TMEM129: variants seen among roughly 807,000 people sequenced by gnomAD.
The protein encoded by TMEM129 is E3 ubiquitin-protein ligase TM129.
Under a neutral mutation model 34.1 loss-of-function variants are expected in TMEM129, and 35 were observed. That is an observed-to-expected ratio of 1.03 (90% CI 0.78 to 1.36). TMEM129 has a LOEUF of 1.36. TMEM129 is among the 40% of genes most tolerant of loss of function. TMEM129 has a pLI of 0.00. For missense variants in TMEM129, 504 were observed against 512.6 expected, an observed-to-expected ratio of 0.98 and a Z score of 0.16; for synonymous variants, 239 against 217.3, an observed-to-expected ratio of 1.10 and a Z score of -0.88.
chr4:1,720,485 C>T lies in TMEM129; in HGVS notation c.205+148G>A, dbSNP rs1717248171. The T allele has an allele frequency of 9.3e-7, 1 of 1,070,504 alleles. No individual in the cohort carries two copies. The highest frequency in any genetic ancestry group is 1.7e-5 in the South Asian group (1 of 57,824). The allele number at this position is 1,070,504 out of a possible 1,614,324, so 66.3% of individuals were successfully genotyped here. On this transcript the variant is annotated intron_variant, in intron 1 of 3. Transcript: ENST00000382936. The surrounding 1 kb of genome is among the most constrained non-coding windows in gnomAD (Gnocchi z 4.4). ...GCCCCTAAGCGCGCTCAGCCCACGC[C>T]GCGGTCCCTCTGGATGAGGACCGGC... is the stretch of plus-strand genomic sequence containing the variant.
rs1717246539 is a variant in TMEM129, at chr4:1,720,465, T to A, written c.205+168A>T. ...TGCAAGTCAGTGCCGGCGGCGCCCCTAAGCGCGCTCAGCCCACGCCGCGGT... is the reference window on the plus strand; with the variant it reads ...TGCAAGTCAGTGCCGGCGGCGCCCCAAAGCGCGCTCAGCCCACGCCGCGGT... On this transcript the variant is annotated intron_variant, in intron 1 of 3. Transcript: ENST00000382936. The surrounding 1 kb of genome is among the most constrained non-coding windows in gnomAD (Gnocchi z 4.4). Among the ~76,000 whole-genome samples the A allele has an allele frequency of 1.3e-5, 2 of 152,238 alleles. No individual in the cohort carries two copies. The highest frequency in any genetic ancestry group is 4.1e-4 in the South Asian group (2 of 4,834).
rs374359483 is a variant in TMEM129, at chr4:1,717,586, C to T, written c.770G>A (p.Gly257Asp). The T allele has an allele frequency of 2.5e-5, 38 of 1,549,888 alleles. No individual in the cohort carries two copies. The highest frequency in any genetic ancestry group is 1.7e-4 in the Middle Eastern group (1 of 6,008). Reference sequence around the variant, plus strand: ...GGCAAATGTCTCCAGGAACAGGTCGCCCAGGCTCTGGTGGATGACCACATG... The same window carrying T: ...GGCAAATGTCTCCAGGAACAGGTCGTCCAGGCTCTGGTGGATGACCACATG... ...AAHVVIHQSLGDLFLETFASL... is the reference protein window; with the variant it reads ...AAHVVIHQSLDDLFLETFASL... Residue 257 changes from glycine (G) to aspartate (D), a missense_variant, in exon 3 of 4, where the codon GGC becomes GAC. Gly to Asp is a moderately conservative substitution (Grantham distance 94). Transcript: ENST00000382936.
intron 2 of TMEM129, 126 bp downstream of exon 2, chr4:1,718,026 C>G (rs1577196248): frequency 1.1e-6 from 1 of 911,934 alleles, no homozygotes; most frequent in East Asian, 2.7e-5. Context: ...TGCCTGGTGT[C>G]ACACAAGCCC....
chr4:1,717,582 G>A lies in TMEM129; in HGVS notation c.774C>T (p.Asp258=). The change falls in exon 3 of 4, where the codon GAC becomes GAT. Residue 258 remains aspartate, a synonymous_variant. Coordinates refer to ENST00000382936, the MANE Select transcript of TMEM129 (RefSeq NM_001127266.2). ...AHVVIHQSLG[D]LFLETFASLV... is the part of the protein sequence containing the mutation. ...GGGAGGCAAATGTCTCCAGGAACAG[G>A]TCGCCCAGGCTCTGGTGGATGACCA... 6.5e-7 allele frequency: 1 copy of A among 1,549,884 alleles called. No homozygotes were observed. The highest frequency in any genetic ancestry group is 8.7e-7 in the Non-Finnish European group (1 of 1,146,374).
At position 1,717,050 on chromosome 4, in the gene TMEM129, G is replaced by T; in HGVS notation, c.*130C>A. 8.5e-7 allele frequency: 1 copy of T among 1,176,692 alleles called. No individual in the cohort carries two copies. The highest frequency in any genetic ancestry group is 1.1e-6 in the Non-Finnish European group (1 of 917,024). 72.9% of individuals were successfully genotyped at this position (1,176,692 alleles called of 1,614,324 possible). ...AGTCCTCAGCCTTCTGCAGACCCAGGGCAGAGGCGAGTTGCTCTACATCAT... is the reference window on the plus strand; with the variant it reads ...AGTCCTCAGCCTTCTGCAGACCCAGTGCAGAGGCGAGTTGCTCTACATCAT... On this transcript the variant is annotated 3_prime_UTR_variant, in exon 4 of 4. Transcript: ENST00000382936.
In TMEM129 at chr4:1,717,276, C is replaced by A; in HGVS notation, c.993G>T (p.Gln331His). 2 of 1,530,350 alleles carry A rather than the reference C, an allele frequency of 1.3e-6. No homozygotes were observed. Among genetic ancestry groups the A allele is most frequent in the Non-Finnish European group, 1.8e-6 (2 of 1,134,032 alleles). The allele number at this position is 1,530,350 out of a possible 1,614,324, so 94.8% of individuals were successfully genotyped here. The change falls in exon 4 of 4, where the codon CAG becomes CAT. Residue 331 changes from glutamine to histidine, a missense_variant. Coordinates refer to ENST00000382936, the MANE Select transcript of TMEM129 (RefSeq NM_001127266.2). ...TCMGKWFASR[Q>H]DPLRPDTWLA... ...GCCAGGTGTCAGGGCGCAGGGGGTCCTGGCGGCTGGCGAACCACTTGCCCA... is the reference window on the plus strand; with the variant it reads ...GCCAGGTGTCAGGGCGCAGGGGGTCATGGCGGCTGGCGAACCACTTGCCCA...
intron 1 of TMEM129, among the ~76,000 whole-genome samples, chr4:1,719,791 C>A (rs1483542392): frequency 6.6e-6 from 1 of 152,150 alleles, no homozygotes; most frequent in Non-Finnish European, 1.5e-5. Flanking sequence ...CTCAAGTGGG[C>A]CCCCAGCCCA....
rs1305217534 is a variant in TMEM129, at chr4:1,720,914, C to A, written c.-77G>T. 1.6e-6 allele frequency: 2 copies of A among 1,288,706 alleles called. No individual in the cohort carries two copies. Among genetic ancestry groups the A allele is most frequent in the African/African-American group, 1.6e-5 (1 of 63,662 alleles). The allele number at this position is 1,288,706 out of a possible 1,614,324, so 79.8% of individuals were successfully genotyped here. ...CGAGGCCGCAGCGCCCAGTCCCGGA[C>A]CTGTCGGTTGCGGCGGCCGCCGCCC... is the stretch of plus-strand genomic sequence containing the variant. On this transcript the variant is annotated 5_prime_UTR_variant, in exon 1 of 4. Coordinates refer to ENST00000382936, the MANE Select transcript of TMEM129 (RefSeq NM_001127266.2). This position sits in a 1 kb window ranked among gnomAD's most constrained non-coding sequence, Gnocchi z 4.4.
rs114747829 is a variant in TMEM129, at chr4:1,718,497, T to A, written c.335A>T (p.Tyr112Phe). ...GGCCCACCGGTCACGGGACCAGTAG[T>A]AGATCAGGATGCAGGCGATGGAGGG... ...TLPSIACILI[Y>F]YWSRDRWACH... Residue 112 changes from tyrosine to phenylalanine, a missense_variant, in exon 2 of 4, where the codon TAC becomes TTC. Coordinates refer to ENST00000382936, the MANE Select transcript of TMEM129 (RefSeq NM_001127266.2). 5,528 of 1,543,002 alleles carry A rather than the reference T, an allele frequency of 3.6e-3. 192 individuals are homozygous for A. The African/African-American group carries it at 0.067, about 19-fold the overall frequency.
rs1002885241 is a variant in TMEM129 at position 1,720,559 on chromosome 4, C to T, written c.205+74G>A. 2 of 1,456,252 alleles carry T rather than the reference C, an allele frequency of 1.4e-6. No individual in the cohort carries two copies. The highest frequency in any genetic ancestry group is 1.8e-6 in the Non-Finnish European group (2 of 1,100,366). 90.2% of individuals were successfully genotyped at this position (1,456,252 alleles called of 1,614,324 possible). ...CGCTTTCGGGGCCTCGGGGAGCTGGCGGAGGCCTCCTCCTGACCTCCCAGC... is the reference window on the plus strand; with the variant it reads ...CGCTTTCGGGGCCTCGGGGAGCTGGTGGAGGCCTCCTCCTGACCTCCCAGC... On this transcript the variant is annotated intron_variant, in intron 1 of 3. Coordinates refer to ENST00000382936, the MANE Select transcript of TMEM129 (RefSeq NM_001127266.2). This position sits in a 1 kb window ranked among gnomAD's most constrained non-coding sequence, Gnocchi z 4.4.
In TMEM129 at chr4:1,718,582, G is replaced by A. The variant is rs1000204800; in HGVS notation, c.250C>T (p.His84Tyr). The change falls in exon 2 of 4, where the codon CAC (histidine) becomes TAC (tyrosine). Residue 84 changes from histidine (H) to tyrosine (Y), a missense_variant. Transcript: ENST00000382936. The part of the protein sequence containing the change: ...MCLAASEKRL[H>Y]ALSQAPEAWR... ...GCCTCAGGGGCCTGGCTGAGGGCGT[G>A]GAGCCGCTTTTCTGAAGCCGCAAGG... 1.0e-5 allele frequency: 15 copies of A among 1,464,434 alleles called. No homozygotes were observed. In the African/African-American group the frequency reaches 1.6e-4, roughly 15 times the overall value. 90.7% of individuals were successfully genotyped at this position (1,464,434 alleles called of 1,614,324 possible).
chr4:1,717,889 G>A (rs1227370608), intron 2 of TMEM129: 5 of 722,168 alleles, frequency 6.9e-6, no homozygotes, highest in Non-Finnish European at 8.9e-6. Context: ...GGGCTGCACT[G>A]TCCTGAGTGC....
rs1717042184 is a variant in TMEM129 at position 1,717,667 on chromosome 4, G to A, written c.689C>T (p.Ser230Phe). ...CTCGCAGAGCTCCCCGTACTCAGTG[G>A]AGTTCAGCCTGCAGGGAGGAGAGCT... ...AVQAFDIWLNSTEYGELCEKL... is the reference protein window; with the variant it reads ...AVQAFDIWLNFTEYGELCEKL... Residue 230 changes from serine to phenylalanine, a missense_variant, in exon 3 of 4, where the codon TCC becomes TTC. Ser to Phe is a radical substitution (Grantham distance 155, BLOSUM62 -2). Coordinates refer to ENST00000382936, the MANE Select transcript of TMEM129 (RefSeq NM_001127266.2). 4.6e-6 allele frequency: 7 copies of A among 1,516,728 alleles called. No individual in the cohort carries two copies. The highest frequency in any genetic ancestry group is 6.2e-6 in the Non-Finnish European group (7 of 1,128,116). The allele number at this position is 1,516,728 out of a possible 1,614,324, so 94.0% of individuals were successfully genotyped here. A position where few individuals can be genotyped will look rare whatever the true frequency, so the allele number is the denominator to read the frequency against.
intron 1 of TMEM129, 67 bp from the exon 2 acceptor site, chr4:1,718,693 C>G (rs1717116604): frequency 7.0e-7 from 1 of 1,429,554 alleles, no homozygotes; most frequent in South Asian, 1.5e-5. Context: ...CCCGACAGCC[C>G]TGGACCTGGC....
In TMEM129 at chr4:1,717,501, G is replaced by A; in HGVS notation, c.840+15C>T. On this transcript the variant is annotated intron_variant, in intron 3 of 3. Coordinates refer to ENST00000382936, the MANE Select transcript of TMEM129 (RefSeq NM_001127266.2). The stretch of plus-strand genomic sequence containing the variant: ...GCACCCACCCATCCACCCGGCCCTG[G>A]CCCAGGCCCCCCACCTGGCTGCTGG... The A allele has an allele frequency of 6.6e-7, 1 of 1,510,196 alleles. No individual in the cohort carries two copies. Among genetic ancestry groups the A allele is most frequent in the South Asian group, 1.3e-5 (1 of 79,164 alleles). 93.5% of individuals were successfully genotyped at this position (1,510,196 alleles called of 1,614,324 possible). A position where few individuals can be genotyped will look rare whatever the true frequency, so the allele number is the denominator to read the frequency against.
intron 2 of TMEM129, 123 bp from the exon 3 acceptor site, chr4:1,717,798 G>T: frequency 7.4e-7 from 1 of 1,353,110 alleles, no homozygotes; most frequent in Non-Finnish European, 9.8e-7. Flanking sequence ...TGGCCCTAAG[G>T]CCAGAGCCCA....
chr4:1,718,897 TAAAC>T, intron 1 of TMEM129: 1 of 1,330,654 alleles, frequency 7.5e-7, no homozygotes, highest in East Asian at 3.0e-5. Context: ...AAGGGAAAAA[TAAAC>T]ACAATCAGGT....
At position 1,720,603 on chromosome 4, in the gene TMEM129, G is replaced by A. The variant is rs1013615334; in HGVS notation, c.205+30C>T. 1.2e-5 allele frequency: 19 copies of A among 1,527,518 alleles called. No homozygotes were observed. In the African/African-American group the frequency reaches 2.5e-4, roughly 20 times the overall value. The allele number at this position is 1,527,518 out of a possible 1,614,324, so 94.6% of individuals were successfully genotyped here. A position where few individuals can be genotyped will look rare whatever the true frequency, so the allele number is the denominator to read the frequency against. On this transcript the variant is annotated intron_variant, in intron 1 of 3. Coordinates refer to ENST00000382936, the MANE Select transcript of TMEM129 (RefSeq NM_001127266.2). The surrounding 1 kb of genome is among the most constrained non-coding windows in gnomAD (Gnocchi z 4.4). ...TCCCAGCAAGCCCTGCGCAGGAGAG[G>A]ATGCGGCCGGCCGGCCCGAGCAGCC...
rs1224172429 is a variant in TMEM129, at chr4:1,720,879, G to T, written c.-42C>A. The T allele has an allele frequency of 6.5e-7, 1 of 1,536,264 alleles. No individual in the cohort carries two copies. Among genetic ancestry groups the T allele is most frequent in the African/African-American group, 1.4e-5 (1 of 71,572 alleles). On this transcript the variant is annotated 5_prime_UTR_variant, in exon 1 of 4. Transcript: ENST00000382936. This position sits in a 1 kb window ranked among gnomAD's most constrained non-coding sequence, Gnocchi z 4.4. ...AGCTGTCGAGCTAGGCCCCCGCCCC[G>T]GCGCGCGGACGAGGCCGCAGCGCCC...
Sources: allele counts gnomAD v4.1 joint callset (sites outside exome capture counted in the v4.1 genomes callset), GRCh38; gene constraint gnomAD v4.1.1; non-coding constraint Gnocchi (gnomAD v3.1); transcripts MANE v1.5; gene names NCBI Gene and HGNC (gene_info 2026-07-23, HGNC 2026-07-21).